The following PTPRT variants were observed in gnomAD, a reference collection of about 807,000 sequenced individuals.
PTPRT encodes receptor-type tyrosine-protein phosphatase T.
PTPRT carries 56 observed loss-of-function variants against 176.8 expected under a neutral mutation model. The ratio of observed to expected loss-of-function variants is 0.32; its 90% CI spans 0.26 to 0.40. PTPRT has a LOEUF of 0.40. Ranked by LOEUF, PTPRT falls within the 10% of genes least tolerant of loss-of-function variation. The pLI is 1.00. For synonymous variants in PTPRT, 783 were observed against 739.0 expected (o/e 1.06, Z -0.96); for missense variants, 1,540 against 1,908.2 (o/e 0.81, Z 3.60).
intron 1 of PTPRT, among the ~76,000 whole-genome samples, chr20:42,983,302 T>A (rs1983381759): frequency 2.0e-5 from 3 of 152,300 alleles, no homozygotes; most frequent in Admixed American, 2.0e-4. Flanking sequence ...GAAATAACAA[T>A]GAAAATGAGT....
At chr20:42,370,471 G>A (rs1176551398) in intron 9 of PTPRT, among the ~76,000 whole-genome samples, 1 of 152,112 alleles carries the variant, frequency 6.6e-6, no homozygotes, top group African/African-American at 2.4e-5. Context: ...ACTCAAGAAC[G>A]GTAGGAGCCC....
At chr20:42,288,770 CG>C (rs1309607199) in intron 12 of PTPRT, among the ~76,000 whole-genome samples, 36 of 151,910 alleles carry the variant, frequency 2.4e-4, no homozygotes, top group Non-Finnish European at 4.6e-4. Flanking sequence ...CCACCACTAA[CG>C]GGCACCTAGG....
chr20:42,364,239 T>C (rs1272863482), intron 9 of PTPRT, among the ~76,000 whole-genome samples: 9 of 152,176 alleles, frequency 5.9e-5, no homozygotes, highest in African/African-American at 2.2e-4. Context: ...TAATCACACA[T>C]TCTGGGCCAG....
the PTPRT span, among the ~76,000 whole-genome samples, chr20:42,059,375 T>C: frequency 2.0e-5 from 3 of 152,162 alleles, no homozygotes; most frequent in Non-Finnish European, 4.4e-5. Flanking sequence ...GGGGCCTCTT[T>C]GCATGCAGAC....
intron 1 of PTPRT, among the ~76,000 whole-genome samples, chr20:43,057,057 T>A (rs1002647024): frequency 6.6e-6 from 1 of 151,876 alleles, no homozygotes; most frequent in Non-Finnish European, 1.5e-5. Context: ...TCTACTTATA[T>A]AACATTCTTG....
intron 1 of PTPRT, among the ~76,000 whole-genome samples, chr20:42,925,938 C>T (rs1452716996): frequency 6.6e-6 from 1 of 152,182 alleles, no homozygotes; most frequent in Non-Finnish European, 1.5e-5. Flanking sequence ...CCAGACATTC[C>T]CAGCTCCATA....
rs748432113 is a variant in PTPRT at position 42,791,188 on chromosome 20, G to T, written c.486+7C>A. On this transcript the variant is annotated splice_region_variant and intron_variant, in intron 3 of 30. Coordinates refer to ENST00000373187, the MANE Select transcript of PTPRT (RefSeq NM_007050.6). ...TTCAAAAATAAAACCATGGTAAAAT[G>T]CCATACCTGATAGAAATGTGGCCAG... 6.3e-7 allele frequency: 1 copy of T among 1,576,852 alleles called. No individual in the cohort carries two copies.
intron 27 of PTPRT, among the ~76,000 whole-genome samples, chr20:42,089,111 AGTGT>A (rs112894271): frequency 1.3e-5 from 2 of 148,586 alleles, no homozygotes; most frequent in South Asian, 2.2e-4. Context: ...AGTGTGTGTG[AGTGT>A]GTGTGTGTGT....
intron 2 of PTPRT, among the ~76,000 whole-genome samples, chr20:42,811,049 C>A (rs1043186087): frequency 2.0e-5 from 3 of 152,136 alleles, no homozygotes; most frequent in African/African-American, 7.2e-5. Context: ...ATAACTCTGC[C>A]ATCTAGCTTC....
chr20:43,147,037 C>A (rs2014190572), intron 1 of PTPRT, among the ~76,000 whole-genome samples: 1 of 152,314 alleles, frequency 6.6e-6, no homozygotes, highest in African/African-American at 2.4e-5. Flanking sequence ...TGATCACTAA[C>A]CAGCTTCATC....
At chr20:42,874,251 C>T (rs1446400278) in intron 2 of PTPRT, among the ~76,000 whole-genome samples, 2 of 152,198 alleles carry the variant, frequency 1.3e-5, no homozygotes, top group East Asian at 1.9e-4. Flanking sequence ...TTAAATGTGT[C>T]GCTGACACAC....
chr20:42,593,426 C>T (rs1305324466), intron 7 of PTPRT, among the ~76,000 whole-genome samples: 1 of 152,170 alleles, frequency 6.6e-6, no homozygotes, highest in East Asian at 1.9e-4. Context: ...TCTGACTTTG[C>T]CTTCTTAATA....
At chr20:42,118,523 G>A (rs751169892) in intron 20 of PTPRT, 23 bp from the exon 21 acceptor site, 2 of 1,581,988 alleles carry the variant, frequency 1.3e-6, no homozygotes, top group Non-Finnish European at 1.7e-6. Context: ...AAGACAGTGA[G>A]GTTAGAGAAT....
At chr20:42,178,665 G>C (rs1239432434) in intron 16 of PTPRT, among the ~76,000 whole-genome samples, 1 of 152,208 alleles carries the variant, frequency 6.6e-6, no homozygotes, top group Non-Finnish European at 1.5e-5. Flanking sequence ...TCTGGCTCAA[G>C]GTCTTTTGTG....
chr20:42,361,172 C>A (rs1301215834), intron 9 of PTPRT, among the ~76,000 whole-genome samples: 1 of 152,098 alleles, frequency 6.6e-6, no homozygotes, highest in Non-Finnish European at 1.5e-5. Context: ...TCTGAGCCCA[C>A]CCCACTCAGG....
At chr20:42,798,928 T>G (rs1233235009) in intron 2 of PTPRT, among the ~76,000 whole-genome samples, 1 of 151,826 alleles carries the variant, frequency 6.6e-6, no homozygotes, top group East Asian at 1.9e-4. Flanking sequence ...GATACCCTAA[T>G]GCAAGCAGAG....
chr20:42,878,919 C>T (rs2078973355), intron 2 of PTPRT, among the ~76,000 whole-genome samples: 1 of 152,130 alleles, frequency 6.6e-6, no homozygotes, highest in African/African-American at 2.4e-5. Context: ...GTCCCAGCTA[C>T]TCGAGAGGCT....
intron 7 of PTPRT, among the ~76,000 whole-genome samples, chr20:42,589,215 A>T (rs189121518): frequency 6.6e-6 from 1 of 152,310 alleles, no homozygotes; most frequent in Non-Finnish European, 1.5e-5. Context: ...GGCACTCAAC[A>T]GGGTCTTTAT....
rs377457305 is a variant in PTPRT, at chr20:42,486,706, TG to T, written c.1154-14145del. Among the ~76,000 whole-genome samples the T allele has an allele frequency of 9.0e-4, 137 of 152,118 alleles. 2 individuals carry two copies. The South Asian group carries it at 0.019, about 21-fold the overall frequency. ...TCTCCTGGTGTGGATCAGCCAGGCA[TG>T]GCTCCAGGCTATGAGTTGTGCCCAG... On this transcript the variant is annotated intron_variant, in intron 7 of 30. Coordinates refer to ENST00000373187, the MANE Select transcript of PTPRT (RefSeq NM_007050.6).
Sources: gnomAD v4.1 joint callset for allele counts (sites outside exome capture counted in the v4.1 genomes callset) on GRCh38, gnomAD v4.1.1 for gene constraint, MANE v1.5 for transcripts, NCBI Gene and HGNC (gene_info 2026-07-23, HGNC 2026-07-21) for gene names.